SEC62: variants seen among roughly 807,000 people sequenced by gnomAD.
The protein encoded by SEC62 is translocation protein SEC62.
Under a neutral mutation model 47.5 loss-of-function variants are expected in SEC62, and 10 were observed. The observed-to-expected ratio is 0.21, with a 90% CI of 0.13 to 0.36. The LOEUF (loss-of-function observed/expected upper bound fraction) is 0.36. SEC62 is among the 10% of genes least tolerant of loss of function. The pLI is 1.00. For missense variants in SEC62, 327 were observed against 464.1 expected, an observed-to-expected ratio of 0.70 and a Z score of 2.71; for synonymous variants, 136 against 150.5, an observed-to-expected ratio of 0.90 and a Z score of 0.71.
At chr3:169,978,281 C>A (rs1373913517) in intron 3 of SEC62, among the ~76,000 whole-genome samples, 1 of 151,758 alleles carries the variant, frequency 6.6e-6, no homozygotes, top group Non-Finnish European at 1.5e-5. Context: ...ATTGTTGAGA[C>A]AAGGATGAGC....
chr3:169,968,195 T>C (rs1453255614), intron 1 of SEC62, among the ~76,000 whole-genome samples: 4 of 152,214 alleles, frequency 2.6e-5, no homozygotes, highest in Non-Finnish European at 4.4e-5. Context: ...TTTTATTAGA[T>C]TGTATATTGA....
chr3:169,993,289 CAGTA>C lies in SEC62; in HGVS notation c.*231_*234del. On this transcript the variant is annotated 3_prime_UTR_variant, in exon 8 of 8. Coordinates refer to ENST00000337002, the MANE Select transcript of SEC62 (RefSeq NM_003262.4). ...ATGTTTTATCCATTTGATAATTTTA[CAGTA>C]AGTAGGTCTCATTCATTTTGACAGT... The C allele has an allele frequency of 2.4e-6, 1 of 423,268 alleles. No individual in the cohort carries two copies. Among genetic ancestry groups the C allele is most frequent in the South Asian group, 4.3e-5 (1 of 23,128 alleles). 26.2% of individuals were successfully genotyped at this position (423,268 alleles called of 1,614,324 possible).
chr3:169,976,870 T>G, intron 2 of SEC62, 76 bp from the exon 3 acceptor site: 1 of 987,888 alleles, frequency 1.0e-6, no homozygotes, highest in East Asian at 2.8e-5. Context: ...GTTGAAATTT[T>G]ACTTTATAAA....
chr3:169,979,306 GTTTCTTTT>G (rs1714917342), intron 3 of SEC62, among the ~76,000 whole-genome samples: 1 of 152,180 alleles, frequency 6.6e-6, no homozygotes, highest in African/African-American at 2.4e-5. Context: ...CTCTTGACCA[GTTTCTTTT>G]TTTCTTTTTT....
At position 169,997,218 on chromosome 3, in the gene SEC62, CT is replaced by C. The variant is rs1213346316; in HGVS notation, c.*4158del. The C allele has an allele frequency of 6.6e-6, 1 of 152,188 alleles. No homozygotes were observed. The highest frequency in any genetic ancestry group is 1.5e-5 in the Non-Finnish European group (1 of 68,038). The allele number at this position is 152,188 out of a possible 1,614,324, so 9.4% of individuals were successfully genotyped here. A position where few individuals can be genotyped will look rare whatever the true frequency, so the allele number is the denominator to read the frequency against. Reference sequence around the variant, plus strand: ...AACCTAGCACAGAGATCCTTTGATACTTTAATTGCATGGCTTTTCCAATCAG... The same window carrying C: ...AACCTAGCACAGAGATCCTTTGATACTTAATTGCATGGCTTTTCCAATCAG... On this transcript the variant is annotated 3_prime_UTR_variant, in exon 8 of 8. Coordinates refer to ENST00000337002, the MANE Select transcript of SEC62 (RefSeq NM_003262.4).
chr3:169,994,678 A>G lies in SEC62; in HGVS notation c.*1615A>G, dbSNP rs1002021261. ...CAGAGCTCTACTACTTCATTTCCACAGTAAGCATATATATAATGATCACTT... is the reference window on the plus strand; with the variant it reads ...CAGAGCTCTACTACTTCATTTCCACGGTAAGCATATATATAATGATCACTT... On this transcript the variant is annotated 3_prime_UTR_variant, in exon 8 of 8. Transcript: ENST00000337002. 6.6e-6 allele frequency: 1 copy of G among 152,154 alleles called. No individual in the cohort carries two copies. The highest frequency in any genetic ancestry group is 1.5e-5 in the Non-Finnish European group (1 of 68,012). 9.4% of individuals were successfully genotyped at this position (152,154 alleles called of 1,614,324 possible).
At chr3:169,991,245 A>G (rs943444988) in intron 7 of SEC62, among the ~76,000 whole-genome samples, 7 of 152,158 alleles carry the variant, frequency 4.6e-5, no homozygotes, top group African/African-American at 1.7e-4. Flanking sequence ...AGCAAAAATT[A>G]CATAGTTTAC....
Position 169,993,025 on chromosome 3 carries a change from G to T in SEC62, c.1162G>T (p.Asp388Tyr). Residue 388 changes from aspartate (D) to tyrosine (Y), a missense_variant, in exon 8 of 8, where the codon GAT (aspartate) becomes TAT (tyrosine). Transcript: ENST00000337002. ...DCEEDEEEEN[D>Y]GETPKSSHEK... ...TGAAGAGGATGAGGAAGAGGAAAAT[G>T]ATGGAGAAACACCTAAATCTTCACA... 1 of 1,609,378 alleles carries T rather than the reference G, an allele frequency of 6.2e-7. No homozygotes were observed. The highest frequency in any genetic ancestry group is 8.5e-7 in the Non-Finnish European group (1 of 1,178,356).
rs1715390199 is a variant in SEC62, at chr3:169,996,881, T to A, written c.*3818T>A. 1 of 152,228 alleles carries A rather than the reference T, an allele frequency of 6.6e-6. No homozygotes were observed. Among genetic ancestry groups the A allele is most frequent in the Non-Finnish European group, 1.5e-5 (1 of 68,040 alleles). The allele number at this position is 152,228 out of a possible 1,614,324, so 9.4% of individuals were successfully genotyped here. ...CTTATCTCCTCATAATATCTTCATG[T>A]AAAGAACCATCTGTTTCTTATTGGA... On this transcript the variant is annotated 3_prime_UTR_variant, in exon 8 of 8. Transcript: ENST00000337002.
At chr3:169,989,991 TA>T (rs1411935912) in intron 7 of SEC62, among the ~76,000 whole-genome samples, 18 of 140,162 alleles carry the variant, frequency 1.3e-4, no homozygotes, top group Admixed American at 9.2e-4. Flanking sequence ...ATATGATATA[TA>T]GATATATGAT....
intron 7 of SEC62, among the ~76,000 whole-genome samples, chr3:169,988,560 A>T (rs554319277): frequency 6.6e-6 from 1 of 152,154 alleles, no homozygotes; most frequent in Admixed American, 6.6e-5. Flanking sequence ...ATACATCTTT[A>T]AAAAAATTTT....
At chr3:169,989,650 T>G (rs1474514335) in intron 7 of SEC62, among the ~76,000 whole-genome samples, 1 of 152,164 alleles carries the variant, frequency 6.6e-6, no homozygotes, top group Non-Finnish European at 1.5e-5. Context: ...ATAGAATTAT[T>G]CTACTTGCTT....
chr3:169,983,263 A>G lies in SEC62; in HGVS notation c.549+10A>G. 1.0e-5 allele frequency: 16 copies of G among 1,584,168 alleles called. No individual in the cohort carries two copies. Among genetic ancestry groups the G allele is most frequent in the Non-Finnish European group, 1.3e-5 (15 of 1,161,940 alleles). The stretch of plus-strand genomic sequence containing the variant: ...TCTGGATGGAAATGAGGTGAGAGTA[A>G]GCCTATAACTAGAAGTTCAGTTTTC... On this transcript the variant is annotated intron_variant, in intron 5 of 7. Coordinates refer to ENST00000337002, the MANE Select transcript of SEC62 (RefSeq NM_003262.4).
At chr3:169,978,877 G>T (rs1418686033) in intron 3 of SEC62, among the ~76,000 whole-genome samples, 2 of 152,166 alleles carry the variant, frequency 1.3e-5, no homozygotes, top group Non-Finnish European at 2.9e-5. Flanking sequence ...CTAGCAAGTG[G>T]CAGATCTAGG....
rs1324701508 is a variant in SEC62, at chr3:169,997,859, T to A, written c.*4796T>A. On this transcript the variant is annotated 3_prime_UTR_variant, in exon 8 of 8. Transcript: ENST00000337002. ...GTGTAAGCTACCAAATAATTTATGA[T>A]GTGGTAGTTATAGGTGTGCATTTAA... The A allele has an allele frequency of 6.6e-6, 1 of 152,218 alleles. No individual in the cohort carries two copies. Among genetic ancestry groups the A allele is most frequent in the Non-Finnish European group, 1.5e-5 (1 of 68,032 alleles). 9.4% of individuals were successfully genotyped at this position (152,218 alleles called of 1,614,324 possible).
At position 169,988,318 on chromosome 3, in the gene SEC62, G is replaced by A. The variant is rs1427036197; in HGVS notation, c.689G>A (p.Gly230Asp). The A allele has an allele frequency of 6.2e-7, 1 of 1,613,858 alleles. No individual in the cohort carries two copies. Among genetic ancestry groups the A allele is most frequent in the South Asian group, 1.1e-5 (1 of 91,066 alleles). ...MRVGVYYLSV[G>D]AGCFVASILL... ...GTAGGTGTTTATTACCTCAGTGTGGGTGCAGGCTGTTTTGTAGCCAGTATT... is the reference window on the plus strand; with the variant it reads ...GTAGGTGTTTATTACCTCAGTGTGGATGCAGGCTGTTTTGTAGCCAGTATT... The change falls in exon 7 of 8, where the codon GGT becomes GAT. Residue 230 changes from glycine to aspartate, a missense_variant. Around this residue, in one of 3 missense-constraint regions of SEC62, gnomAD observed 99 missense variants for 194.0 expected, o/e 0.51. Transcript: ENST00000337002.
rs1034904575 is a variant in SEC62, at chr3:169,973,177, A to G, written c.37-2431A>G. 2.4e-4 allele frequency among the ~76,000 whole-genome samples: 36 copies of G among 152,240 alleles called. 1 individual carries two copies. ...TATTTTACAAACATAATTAAATACT[A>G]TCATTTAATATGCCTGATACTAACA... On this transcript the variant is annotated intron_variant, in intron 1 of 7. Transcript: ENST00000337002.
rs1715349140 is a variant in SEC62 at position 169,995,339 on chromosome 3, T to C, written c.*2276T>C. 6.6e-6 allele frequency: 1 copy of C among 152,174 alleles called. No individual in the cohort carries two copies. The highest frequency in any genetic ancestry group is 1.5e-5 in the Non-Finnish European group (1 of 68,024). The allele number at this position is 152,174 out of a possible 1,614,324, so 9.4% of individuals were successfully genotyped here. A position where few individuals can be genotyped will look rare whatever the true frequency, so the allele number is the denominator to read the frequency against. On this transcript the variant is annotated 3_prime_UTR_variant, in exon 8 of 8. Transcript: ENST00000337002. The stretch of plus-strand genomic sequence containing the variant: ...AGAGGCTAAGTTCAGATAGTAAGAA[T>C]AATGCATATGTGATTGTTCTTAAAG...
chr3:169,975,542 A>T, intron 1 of SEC62, 66 bp from the exon 2 acceptor site: 1 of 1,028,432 alleles, frequency 9.7e-7, no homozygotes, highest in South Asian at 1.4e-5. Context: ...AGATTTGTAA[A>T]TTATTATTCA....
Sources: gnomAD v4.1 joint callset for allele counts (sites outside exome capture counted in the v4.1 genomes callset) on GRCh38, gnomAD v4.1.1 for gene constraint, gnomAD v4.1.1 regional missense constraint, MANE v1.5 for transcripts, NCBI Gene and HGNC (gene_info 2026-07-23, HGNC 2026-07-21) for gene names.